The following BCKDHB variants were observed in gnomAD, a reference collection of about 807,000 sequenced individuals.
BCKDHB encodes the protein 2-oxoisovalerate dehydrogenase subunit beta, mitochondrial.
A neutral mutation model predicts 48.5 loss-of-function variants in BCKDHB; 41 were observed. That is an observed-to-expected ratio of 0.85 (90% CI 0.66 to 1.10). The LOEUF (loss-of-function observed/expected upper bound fraction) is 1.10. BCKDHB is among the 50% of genes least tolerant of loss of function. The probability of loss-of-function intolerance (pLI) is 0.00; values close to 1 mark genes in which losing one functional copy is unlikely to be tolerated. For synonymous variants in BCKDHB, 201 were observed against 174.8 expected, an observed-to-expected ratio of 1.15 and a Z score of -1.18; for missense variants, 496 against 494.2, an observed-to-expected ratio of 1.00 and a Z score of -0.03.
chr6:80,134,196 A>G (rs1770772038), intron 3 of BCKDHB, among the ~76,000 whole-genome samples: 1 of 152,164 alleles, frequency 6.6e-6, no homozygotes, highest in South Asian at 2.1e-4. Flanking sequence ...AGGTGAGGAA[A>G]GGAATAGCTG....
chr6:80,396,448 G>C, the BCKDHB span, among the ~76,000 whole-genome samples: 2 of 152,234 alleles, frequency 1.3e-5, no homozygotes, highest in African/African-American at 4.8e-5. Flanking sequence ...GGACTTTTGG[G>C]TTAATGTGGG....
chr6:80,115,499 A>AGTTGGTAGGTACTAAG (rs1172296173), intron 1 of BCKDHB, among the ~76,000 whole-genome samples: 1 of 152,162 alleles, frequency 6.6e-6, no homozygotes, highest in African/African-American at 2.4e-5. Flanking sequence ...TTTGTTGGGG[A>AGTTGGTAGGTACTAAG]AAACAGGTAG....
At chr6:80,427,245 G>T in the BCKDHB span, among the ~76,000 whole-genome samples, 2 of 151,786 alleles carry the variant, frequency 1.3e-5, no homozygotes, top group Non-Finnish European at 2.9e-5. Context: ...TCTTGGATTT[G>T]TTTTTTGTTT....
chr6:80,106,866 C>T lies in BCKDHB; in HGVS notation c.173C>T (p.Pro58Leu), dbSNP rs1466070200. Residue 58 changes from proline to leucine, a missense_variant, in exon 1 of 10, where the codon CCA becomes CTA. Physicochemically the swap from Pro to Leu is moderately conservative, Grantham distance 98. Coordinates refer to ENST00000320393, the MANE Select transcript of BCKDHB (RefSeq NM_183050.4). The part of the protein sequence containing the change: ...RRQVAHFTFQ[P>L]DPEPREYGQT... ...CAGGTGGCTCATTTTACTTTCCAGC[C>T]AGATCCGGAGCCCCGGGAGTACGGT... 3 of 1,609,238 alleles carry T rather than the reference C, an allele frequency of 1.9e-6. No individual in the cohort carries two copies. Among genetic ancestry groups the T allele is most frequent in the African/African-American group, 1.3e-5 (1 of 74,850 alleles).
chr6:80,323,879 T>C (rs1208354061), intron 9 of BCKDHB, among the ~76,000 whole-genome samples: 1 of 152,010 alleles, frequency 6.6e-6, no homozygotes, highest in African/African-American at 2.4e-5. Flanking sequence ...TTCACGCCAT[T>C]CTCCTGTCTC....
chr6:80,173,248 G>T (rs1031861845), intron 6 of BCKDHB, among the ~76,000 whole-genome samples: 1 of 152,064 alleles, frequency 6.6e-6, no homozygotes, highest in South Asian at 2.1e-4. Flanking sequence ...CCCTGATGAG[G>T]TTCAGTATTC....
the BCKDHB span, among the ~76,000 whole-genome samples, chr6:80,355,193 A>T: frequency 6.6e-6 from 1 of 151,990 alleles, no homozygotes; most frequent in Non-Finnish European, 1.5e-5. Context: ...TGAGGTCGGG[A>T]GTTCGAGACT....
chr6:80,361,111 G>T, the BCKDHB span, among the ~76,000 whole-genome samples: 1 of 151,970 alleles, frequency 6.6e-6, no homozygotes, highest in Non-Finnish European at 1.5e-5. Flanking sequence ...GGGCCTCCCG[G>T]TATCTCTCTA....
chr6:80,224,504 G>A (rs934430523), intron 8 of BCKDHB, among the ~76,000 whole-genome samples: 1 of 151,690 alleles, frequency 6.6e-6, no homozygotes, highest in South Asian at 2.1e-4. Flanking sequence ...GTGATCCCCC[G>A]ACTTCAGCCT....
chr6:80,370,426 TG>T, the BCKDHB span, among the ~76,000 whole-genome samples: 1 of 152,184 alleles, frequency 6.6e-6, no homozygotes, highest in Non-Finnish European at 1.5e-5. Context: ...AATAGGGTTT[TG>T]GGGAACAGGT....
Position 80,203,110 on chromosome 6 carries a change from G to C in BCKDHB, c.849G>C (p.Val283=). The stretch of plus-strand genomic sequence containing the variant: ...TTTTCTCTTTATTTCAGGTTCATGT[G>C]ATCCGAGAGGTAGCTTCCATGGCAA... ...TLVAWGTQVH[V]IREVASMAKE... Residue 283 remains valine, a synonymous_variant, in exon 8 of 10, where the codon GTG becomes GTC. Coordinates refer to ENST00000320393, the MANE Select transcript of BCKDHB (RefSeq NM_183050.4). 6.2e-7 allele frequency: 1 copy of C among 1,610,958 alleles called. No homozygotes were observed. The highest frequency in any genetic ancestry group is 8.5e-7 in the Non-Finnish European group (1 of 1,177,420).
chr6:80,136,536 A>C (rs1034413787), intron 3 of BCKDHB, among the ~76,000 whole-genome samples: 1 of 152,188 alleles, frequency 6.6e-6, no homozygotes, highest in Non-Finnish European at 1.5e-5. Flanking sequence ...GCTTCGTGAA[A>C]TTGGATTTGA....
At chr6:80,314,076 T>G (rs937370245) in intron 9 of BCKDHB, among the ~76,000 whole-genome samples, 6 of 152,310 alleles carry the variant, frequency 3.9e-5, no homozygotes, top group African/African-American at 1.4e-4. Context: ...AGTTGTATGG[T>G]TTTGAGTGAT....
chr6:80,420,893 C>G, the BCKDHB span, among the ~76,000 whole-genome samples: 7 of 152,220 alleles, frequency 4.6e-5, no homozygotes, highest in African/African-American at 9.6e-5. Context: ...AAAGTGATCT[C>G]TCTTAGAATA....
At chr6:80,405,045 TG>T in the BCKDHB span, among the ~76,000 whole-genome samples, 9 of 152,126 alleles carry the variant, frequency 5.9e-5, no homozygotes, top group Non-Finnish European at 1.0e-4. Flanking sequence ...GTATGTTCTT[TG>T]GGTCCATTTC....
chr6:80,378,892 A>G, the BCKDHB span, among the ~76,000 whole-genome samples: 1 of 152,096 alleles, frequency 6.6e-6, no homozygotes, highest in Non-Finnish European at 1.5e-5. Context: ...AGTGATGTTC[A>G]GGATTTATTT....
intron 8 of BCKDHB, among the ~76,000 whole-genome samples, chr6:80,238,260 G>A (rs1375840298): frequency 6.6e-6 from 1 of 152,114 alleles, no homozygotes; most frequent in Non-Finnish European, 1.5e-5. Context: ...ACCACACCCG[G>A]CTAGTTTTTG....
At chr6:80,423,877 G>A in the BCKDHB span, among the ~76,000 whole-genome samples, 4 of 152,082 alleles carry the variant, frequency 2.6e-5, no homozygotes, top group African/African-American at 9.7e-5. Context: ...ATGCCTGATT[G>A]TTTTCCAGGA....
At chr6:80,420,790 G>T in the BCKDHB span, among the ~76,000 whole-genome samples, 1 of 152,186 alleles carries the variant, frequency 6.6e-6, no homozygotes, top group African/African-American at 2.4e-5. Context: ...GTGGGATGAG[G>T]CCTAAGTGGG....
Sources: gnomAD v4.1 joint callset for allele counts (sites outside exome capture counted in the v4.1 genomes callset) on GRCh38, gnomAD v4.1.1 for gene constraint, MANE v1.5 for transcripts, NCBI Gene and HGNC (gene_info 2026-07-23, HGNC 2026-07-21) for gene names.